The following SP4 variants were observed in gnomAD, a reference collection of about 807,000 sequenced individuals.
SP4 encodes Sp4 transcription factor.
In SP4, 19 loss-of-function variants were observed where a neutral mutation model predicts 72.8. That is an observed-to-expected ratio of 0.26 (90% CI 0.18 to 0.38). The LOEUF is 0.38. Ranked by LOEUF, SP4 falls within the 10% of genes least tolerant of loss-of-function variation. The probability of loss-of-function intolerance (pLI) is 1.00; values close to 1 mark genes in which losing one functional copy is unlikely to be tolerated. For missense variants in SP4, 1,008 were observed against 926.3 expected (o/e 1.09, Z -1.14); for synonymous variants, 395 against 333.1 (o/e 1.19, Z -2.02).
intron 5 of SP4, among the ~76,000 whole-genome samples, chr7:21,488,467 G>T (rs1784881385): frequency 7.3e-6 from 1 of 137,552 alleles, no homozygotes; most frequent in African/African-American, 2.9e-5. Flanking sequence ...TTTTGCTGAT[G>T]GACTTCCTTT....
Position 21,511,489 on chromosome 7 carries a change from A to C in SP4, c.*220A>C. 1 of 508,368 alleles carries C rather than the reference A, an allele frequency of 2.0e-6. No homozygotes were observed. Among genetic ancestry groups the C allele is most frequent in the Non-Finnish European group, 3.5e-6 (1 of 284,934 alleles). The allele number at this position is 508,368 out of a possible 1,614,324, so 31.5% of individuals were successfully genotyped here. On this transcript the variant is annotated 3_prime_UTR_variant, in exon 6 of 6. Transcript: ENST00000222584. Reference sequence around the variant, plus strand: ...GGAAACAGAAAAGTATTTCCTCCATACTATAAGTTGTAGTTGTTTGGAAAT... The same window carrying C: ...GGAAACAGAAAAGTATTTCCTCCATCCTATAAGTTGTAGTTGTTTGGAAAT...
intron 3 of SP4, among the ~76,000 whole-genome samples, chr7:21,455,778 G>T (rs61043546): frequency 6.6e-6 from 1 of 152,166 alleles, no homozygotes; most frequent in African/African-American, 2.4e-5. Context: ...TTTGTCTGCA[G>T]TCTTGGGCCA....
intron 3 of SP4, chr7:21,471,269 C>T (rs77265033): frequency 0.015 from 5,394 of 360,386 alleles, 128 homozygotes; most frequent in East Asian, 0.084. Context: ...GGAGCTAGGT[C>T]TGCAATATGA....
At chr7:21,510,970 A>T in intron 5 of SP4, 52 bp from the exon 6 acceptor site, 5 of 1,517,392 alleles carry the variant, frequency 3.3e-6, no homozygotes, top group Non-Finnish European at 4.4e-6. Flanking sequence ...TAAAAATTAT[A>T]ATTTCACTTA....
At chr7:21,476,138 G>C (rs1784493016) in intron 3 of SP4, among the ~76,000 whole-genome samples, 1 of 152,002 alleles carries the variant, frequency 6.6e-6, no homozygotes, top group Non-Finnish European at 1.5e-5. Context: ...GCTGGGCATG[G>C]TGGCACACGC....
rs1347262230 is a variant in SP4, at chr7:21,430,347, G to T, written c.1182G>T (p.Gln394His). 1.3e-5 allele frequency: 21 copies of T among 1,614,096 alleles called. No individual in the cohort carries two copies. Among genetic ancestry groups the T allele is most frequent in the Middle Eastern group, 1.6e-4 (1 of 6,084 alleles). The change falls in exon 3 of 6, where the codon CAG becomes CAT. Residue 394 changes from glutamine (Q) to histidine (H), a missense_variant. This residue lies in a region of SP4 where 893 missense variants were observed against 743.3 expected (regional missense o/e 1.20). Coordinates refer to ENST00000222584, the MANE Select transcript of SP4 (RefSeq NM_003112.5). Reference protein sequence around the residue: ...QNAQDQSNSLQQVQIVGQPIL... With the variant: ...QNAQDQSNSLHQVQIVGQPIL... The stretch of plus-strand genomic sequence containing the variant: ...CACAGGATCAATCAAATTCTCTTCA[G>T]CAGGTGCAAATTGTAGGCCAACCTA...
chr7:21,444,614 A>C (rs1357674010), intron 3 of SP4, among the ~76,000 whole-genome samples: 1 of 152,142 alleles, frequency 6.6e-6, no homozygotes, highest in African/African-American at 2.4e-5. Context: ...GTGATCATTT[A>C]TGGACTCAGT....
At chr7:21,485,616 G>A (rs1784794259) in intron 5 of SP4, among the ~76,000 whole-genome samples, 1 of 151,852 alleles carries the variant, frequency 6.6e-6, no homozygotes, top group African/African-American at 2.4e-5. Context: ...ACTTCACTTT[G>A]CACCATCTGA....
At chr7:21,467,318 A>AT (rs932901009) in intron 3 of SP4, among the ~76,000 whole-genome samples, 6 of 151,618 alleles carry the variant, frequency 4.0e-5, no homozygotes, top group Non-Finnish European at 7.4e-5. Flanking sequence ...TTAAAAAAAA[A>AT]TTTTTTTTTA....
chr7:21,430,567 A>G lies in SP4; in HGVS notation c.1402A>G (p.Ser468Gly), dbSNP rs778597316. The G allele has an allele frequency of 6.2e-7, 1 of 1,614,268 alleles. No homozygotes were observed. Among genetic ancestry groups the G allele is most frequent in the South Asian group, 1.1e-5 (1 of 91,086 alleles). Residue 468 changes from serine (S) to glycine (G), a missense_variant, in exon 3 of 6, where the codon AGT becomes GGT. Around this residue, in one of 3 missense-constraint regions of SP4, gnomAD observed 893 missense variants for 743.3 expected, o/e 1.20. Coordinates refer to ENST00000222584, the MANE Select transcript of SP4 (RefSeq NM_003112.5). ...APTLTPSGQI[S>G]WQTVQVQNIQ... Reference sequence around the variant, plus strand: ...AACTTTAACACCTTCAGGGCAAATCAGTTGGCAAACTGTACAGGTTCAGAA... The same window carrying G: ...AACTTTAACACCTTCAGGGCAAATCGGTTGGCAAACTGTACAGGTTCAGAA...
In SP4 at chr7:21,468,858, G is replaced by A. The variant is rs545021835; in HGVS notation, c.1679-8221G>A. Among the ~76,000 whole-genome samples the A allele has an allele frequency of 2.0e-5, 3 of 152,148 alleles. No individual in the cohort carries two copies. The South Asian group carries it at 6.2e-4, about 32-fold the overall frequency. ...ATATCCAATTTTTTGTTTATTAAATGATTTTATACATTTTACTGAATTTCT... is the reference window on the plus strand; with the variant it reads ...ATATCCAATTTTTTGTTTATTAAATAATTTTATACATTTTACTGAATTTCT... On this transcript the variant is annotated intron_variant, in intron 3 of 5. Transcript: ENST00000222584.
intron 4 of SP4, among the ~76,000 whole-genome samples, chr7:21,480,078 T>G (rs1449891565): frequency 6.6e-6 from 1 of 152,122 alleles, no homozygotes; most frequent in Non-Finnish European, 1.5e-5. Flanking sequence ...AGTTTTTACT[T>G]TTTCCTTTCT....
chr7:21,487,813 T>G (rs58270155), intron 5 of SP4, among the ~76,000 whole-genome samples: 87 of 151,712 alleles, frequency 5.7e-4, no homozygotes, highest in African/African-American at 2.1e-3. Context: ...GGTGGTGATT[T>G]GATGAAATCT....
chr7:21,448,253 T>G (rs1266564535), intron 3 of SP4, among the ~76,000 whole-genome samples: 1 of 149,940 alleles, frequency 6.7e-6, no homozygotes. Flanking sequence ...AGCTCACTAC[T>G]ATTATACAGA....
Position 21,511,355 on chromosome 7 carries a change from A to G in SP4, c.*86A>G. On this transcript the variant is annotated 3_prime_UTR_variant, in exon 6 of 6. Transcript: ENST00000222584. ...GAAATGGGCTGGTCAAGTGGATTAC[A>G]GAGTAGGAAATTATGTTTTCATTCT... is the stretch of plus-strand genomic sequence containing the variant. 7.6e-7 allele frequency: 1 copy of G among 1,314,394 alleles called. No homozygotes were observed. The highest frequency in any genetic ancestry group is 1.4e-5 in the South Asian group (1 of 71,570). The allele number at this position is 1,314,394 out of a possible 1,614,324, so 81.4% of individuals were successfully genotyped here.
chr7:21,428,284 C>T (rs1309006876), intron 1 of SP4, 26 bp downstream of exon 1: 1 of 1,401,094 alleles, frequency 7.1e-7, no homozygotes, highest in Non-Finnish European at 9.9e-7. Flanking sequence ...CCCCCTCAGT[C>T]TCCTTCGCCG....
At chr7:21,461,965 G>A (rs1460106188) in intron 3 of SP4, among the ~76,000 whole-genome samples, 1 of 151,840 alleles carries the variant, frequency 6.6e-6, no homozygotes, top group African/African-American at 2.4e-5. Flanking sequence ...GTATGTGAAT[G>A]TGTATATTTT....
chr7:21,482,150 T>G (rs754477202), intron 5 of SP4, 27 bp downstream of exon 5: 3 of 1,553,074 alleles, frequency 1.9e-6, no homozygotes, highest in Non-Finnish European at 2.6e-6. Flanking sequence ...ACTTGTACTT[T>G]TTACTTATTT....
chr7:21,428,387 G>T, intron 1 of SP4, 129 bp downstream of exon 1: 1 of 702,422 alleles, frequency 1.4e-6, no homozygotes, highest in South Asian at 1.5e-5. Context: ...GAGAGGGCGG[G>T]AGGGAATCGG....
Sources: gnomAD v4.1 joint callset for allele counts (sites outside exome capture counted in the v4.1 genomes callset) on GRCh38, gnomAD v4.1.1 for gene constraint, gnomAD v4.1.1 regional missense constraint, MANE v1.5 for transcripts, NCBI Gene and HGNC (gene_info 2026-07-23, HGNC 2026-07-21) for gene names.